Variants in AGO2 observed in about 807,000 individuals in gnomAD.
AGO2 encodes the protein protein argonaute-2.
A neutral mutation model predicts 102.3 loss-of-function variants in AGO2; 5 were observed. The ratio of observed to expected loss-of-function variants is 0.05; its 90% CI spans 0.03 to 0.10. AGO2 has a LOEUF of 0.10. Ranked by LOEUF, AGO2 falls within the 10% of genes least tolerant of loss-of-function variation. The probability of loss-of-function intolerance (pLI) is 1.00; values close to 1 mark genes in which losing one functional copy is unlikely to be tolerated. For synonymous variants in AGO2, 449 were observed against 473.1 expected, an observed-to-expected ratio of 0.95 and a Z score of 0.66; for missense variants, 541 against 1,183.7, an observed-to-expected ratio of 0.46 and a Z score of 7.97.
chr8:140,586,544 A>T (rs1044083176), intron 1 of AGO2, among the ~76,000 whole-genome samples: 1 of 152,208 alleles, frequency 6.6e-6, no homozygotes, highest in Non-Finnish European at 1.5e-5. Flanking sequence ...CCATGCTGCC[A>T]CCAGGGACAG....
At chr8:140,635,293 A>G (rs1014609585) in intron 1 of AGO2, among the ~76,000 whole-genome samples, 192 bp downstream of exon 1, 2 of 144,512 alleles carry the variant, frequency 1.4e-5, no homozygotes, top group African/African-American at 5.0e-5. Context: ...GGGCCGAGAA[A>G]ACGGCCGGCT....
chr8:140,551,421 T>C lies in AGO2; in HGVS notation c.1285A>G (p.Thr429Ala). 6.4e-7 allele frequency: 1 copy of C among 1,565,382 alleles called. No homozygotes were observed. The highest frequency in any genetic ancestry group is 8.7e-7 in the Non-Finnish European group (1 of 1,149,512). The change falls in exon 11 of 19, where the codon ACC (threonine) becomes GCC (alanine). Residue 429 changes from threonine (T) to alanine (A), a missense_variant. Coordinates refer to ENST00000220592, the MANE Select transcript of AGO2 (RefSeq NM_012154.5). ...ATGTCCCAGACGCCCTGGACAGGGG[T>C]CGCAATAGCTTTATTCTGCAAATGG... ...LYGGRNKAIATPVQGVWDMRN... is the reference protein window; with the variant it reads ...LYGGRNKAIAAPVQGVWDMRN...
At chr8:140,569,566 C>G (rs1053417820) in intron 3 of AGO2, among the ~76,000 whole-genome samples, 1 of 152,250 alleles carries the variant, frequency 6.6e-6, no homozygotes, top group East Asian at 1.9e-4. Context: ...CTCCAGGGAG[C>G]TGCAGACCTT....
At chr8:140,551,625 G>A (rs901236865) in intron 10 of AGO2, among the ~76,000 whole-genome samples, 189 bp from the exon 11 acceptor site, 6 of 152,178 alleles carry the variant, frequency 3.9e-5, no homozygotes, top group Non-Finnish European at 8.8e-5. Flanking sequence ...AGATGGATGG[G>A]CTGGTGGAAG....
At chr8:140,576,782 A>G (rs1254111727) in intron 2 of AGO2, among the ~76,000 whole-genome samples, 1 of 152,272 alleles carries the variant, frequency 6.6e-6, no homozygotes, top group African/African-American at 2.4e-5. Flanking sequence ...ACAAATGTGT[A>G]TAACAGCTCC....
At chr8:140,599,299 G>C (rs539453069) in intron 1 of AGO2, among the ~76,000 whole-genome samples, 85 of 152,254 alleles carry the variant, frequency 5.6e-4, no homozygotes, top group Admixed American at 1.3e-3. Flanking sequence ...CCTGTGACCA[G>C]GATTATCACC....
In AGO2 at chr8:140,527,930, ATCCAGT is replaced by A. The variant is rs1252537549; in HGVS notation, c.*4108_*4113del. 6.6e-6 allele frequency: 1 copy of A among 152,236 alleles called. No individual in the cohort carries two copies. Among genetic ancestry groups the A allele is most frequent in the Non-Finnish European group, 1.5e-5 (1 of 68,050 alleles). 9.4% of individuals were successfully genotyped at this position (152,236 alleles called of 1,614,324 possible). A position where few individuals can be genotyped will look rare whatever the true frequency, so the allele number is the denominator to read the frequency against. On this transcript the variant is annotated 3_prime_UTR_variant, in exon 19 of 19. Transcript: ENST00000220592. The surrounding 1 kb of genome is among the most constrained non-coding windows in gnomAD (Gnocchi z 6.0). Reference sequence around the variant, plus strand: ...GGGTCACAGTCCCGCCGAAGGACTCATCCAGTTCCCAGAGGCGCAGGGAACAAGCCA... The same window carrying A: ...GGGTCACAGTCCCGCCGAAGGACTCATCCCAGAGGCGCAGGGAACAAGCCA...
intron 16 of AGO2, among the ~76,000 whole-genome samples, chr8:140,536,991 G>C (rs1045599505): frequency 6.6e-6 from 1 of 152,162 alleles, no homozygotes; most frequent in East Asian, 1.9e-4. Context: ...ATTGCATAAG[G>C]CTTGACAGGA....
chr8:140,559,626 G>A (rs2073162952), intron 5 of AGO2, 97 bp from the exon 6 acceptor site: 13 of 1,512,426 alleles, frequency 8.6e-6, no homozygotes, highest in Non-Finnish European at 3.6e-6. Context: ...GGCCAGCCAT[G>A]GTGGGGACAC....
chr8:140,567,490 C>T lies in AGO2; in HGVS notation c.337-4856G>A, dbSNP rs1016478703. Among the ~76,000 whole-genome samples the T allele has an allele frequency of 3.3e-5, 5 of 152,346 alleles. No homozygotes were observed. Among genetic ancestry groups the T allele is most frequent in the Admixed American group, 2.0e-4 (3 of 15,304 alleles). ...CCTGCTGCCTCCCGTGTTCTAACCT[C>T]GGGCAGGTGGCTCCGTTGGCTTCCT... On this transcript the variant is annotated intron_variant, in intron 3 of 18. Transcript: ENST00000220592. This position sits in a 1 kb window ranked among gnomAD's most constrained non-coding sequence, Gnocchi z 5.0.
At chr8:140,579,048 C>A (rs569920478) in intron 2 of AGO2, among the ~76,000 whole-genome samples, 12 of 152,142 alleles carry the variant, frequency 7.9e-5, no homozygotes, top group Non-Finnish European at 1.6e-4. Context: ...CACAGAGAGA[C>A]CCCATCTCTA....
At chr8:140,586,134 A>C (rs2073651140) in intron 1 of AGO2, among the ~76,000 whole-genome samples, 1 of 152,148 alleles carries the variant, frequency 6.6e-6, no homozygotes, top group Admixed American at 6.5e-5. Flanking sequence ...ATGACACTCC[A>C]CCCTTCAATG....
chr8:140,614,615 G>A lies in AGO2; in HGVS notation c.22+20870C>T, dbSNP rs530620537. On this transcript the variant is annotated intron_variant, in intron 1 of 18. Transcript: ENST00000220592. ...AATGCAGCCCACACTCTACTAAGGC[G>A]TCCTTCCGGGCCTGGGGTCCAACAA... Among the ~76,000 whole-genome samples the A allele has an allele frequency of 3.9e-5, 6 of 152,266 alleles. No individual in the cohort carries two copies. In the East Asian group the frequency reaches 9.7e-4, roughly 25 times the overall value.
rs1158950385 is a variant in AGO2 at position 140,524,053 on chromosome 8, A to G, written c.*7991T>C. On this transcript the variant is annotated 3_prime_UTR_variant, in exon 19 of 19. Transcript: ENST00000220592. ...AAACTGCCTGTTAGGTTAAGTCAAA[A>G]CTGGTGTCCTATGTGCACAGCTCAA... 1 of 152,218 alleles carries G rather than the reference A, an allele frequency of 6.6e-6. No homozygotes were observed. The highest frequency in any genetic ancestry group is 1.5e-5 in the Non-Finnish European group (1 of 68,036). 9.4% of individuals were successfully genotyped at this position (152,218 alleles called of 1,614,324 possible).
intron 1 of AGO2, among the ~76,000 whole-genome samples, chr8:140,610,751 T>C (rs1216315037): frequency 1.3e-5 from 2 of 152,164 alleles, no homozygotes; most frequent in African/African-American, 4.8e-5. Flanking sequence ...TGGGAGCCCC[T>C]GTCCTGCCCA....
chr8:140,568,033 G>A (rs558238835), intron 3 of AGO2, among the ~76,000 whole-genome samples: 2 of 149,734 alleles, frequency 1.3e-5, no homozygotes, highest in East Asian at 2.0e-4. Flanking sequence ...GCCCAGGCAG[G>A]TGGATCACAA....
Position 140,521,192 on chromosome 8 carries a change from G to A in AGO2, c.*10852C>T, listed in dbSNP as rs1458259153. ...ATGCGTCCTGGGGAGCCAATTGCCC[G>A]GCACGTCTTATTACTGAGAAAGTGC... On this transcript the variant is annotated 3_prime_UTR_variant, in exon 19 of 19. Transcript: ENST00000220592. 3 of 152,064 alleles carry A rather than the reference G, an allele frequency of 2.0e-5. No individual in the cohort carries two copies. The highest frequency in any genetic ancestry group is 6.6e-5 in the Admixed American group (1 of 15,256). 9.4% of individuals were successfully genotyped at this position (152,064 alleles called of 1,614,324 possible).
rs565333105 is a variant in AGO2, at chr8:140,532,162, TGAGA to T, written c.2472-14_2472-11del. The T allele has an allele frequency of 2.2e-5, 35 of 1,601,954 alleles. No individual in the cohort carries two copies. In the South Asian group the frequency reaches 2.3e-4, roughly 11 times the overall value. ...ATGGCTTCCTTCAGCACTGCAGGGA[TGAGA>T]GAGAGAGAGAATGAGAATGTGCAGC... On this transcript the variant is annotated splice_polypyrimidine_tract_variant and intron_variant, in intron 18 of 18. Coordinates refer to ENST00000220592, the MANE Select transcript of AGO2 (RefSeq NM_012154.5).
chr8:140,626,952 GCA>G (rs2152109849), intron 1 of AGO2: 1 of 152,390 alleles, frequency 6.6e-6, no homozygotes, highest in African/African-American at 2.4e-5. Flanking sequence ...TGCTCAGCCT[GCA>G]CACGAGCATG....
Sources: gnomAD v4.1 joint callset for allele counts (sites outside exome capture counted in the v4.1 genomes callset) on GRCh38, gnomAD v4.1.1 for gene constraint, Gnocchi (gnomAD v3.1) non-coding constraint, MANE v1.5 for transcripts, NCBI Gene and HGNC (gene_info 2026-07-23, HGNC 2026-07-21) for gene names.